The following C1QTNF8 variants were observed in gnomAD, a reference collection of about 807,000 sequenced individuals.
C1QTNF8 encodes the protein C1q and TNF related 8, also known as complement C1q tumor necrosis factor-related protein 8.
A neutral mutation model predicts 19.2 loss-of-function variants in C1QTNF8; 27 were observed. That is an observed-to-expected ratio of 1.41 (90% confidence interval 1.04 to 1.94). The LOEUF is 1.94. C1QTNF8 is among the 30% of genes most tolerant of loss of function. The pLI is 0.00. For synonymous variants in C1QTNF8, 208 were observed against 172.8 expected, an observed-to-expected ratio of 1.20 and a Z score of -1.60; for missense variants, 484 against 374.4, an observed-to-expected ratio of 1.29 and a Z score of -2.42.
At chr16:1,093,445 C>A in intron 4 of C1QTNF8, 52 bp downstream of exon 4, 1 of 1,022,678 alleles carries the variant, frequency 9.8e-7, no homozygotes, top group Non-Finnish European at 1.3e-6. Flanking sequence ...CACACACAGA[C>A]ACACACACAC....
chr16:1,093,424 C>A (rs1044689353), intron 4 of C1QTNF8, 73 bp downstream of exon 4: 6 of 1,042,334 alleles, frequency 5.8e-6, no homozygotes, highest in Non-Finnish European at 7.8e-6. Context: ...CCACACCCAC[C>A]CCCACACACA....
Position 1,093,479 on chromosome 16 carries a change from A to T in C1QTNF8, c.*4+18T>A, listed in dbSNP as rs749768184. ...ACACGCGCGCGCGCGCCCGGTGCTC[A>T]GCCGCGGGGCCCCTCACCCGGCTAC... On this transcript the variant is annotated intron_variant, in intron 4 of 4. Coordinates refer to ENST00000328449, the MANE Select transcript of C1QTNF8 (RefSeq NM_207419.3). 4.0e-5 allele frequency: 59 copies of T among 1,466,852 alleles called. No individual in the cohort carries two copies. The Admixed American group carries it at 8.6e-4, about 21-fold the overall frequency. 90.9% of individuals were successfully genotyped at this position (1,466,852 alleles called of 1,614,324 possible). A position where few individuals can be genotyped will look rare whatever the true frequency, so the allele number is the denominator to read the frequency against.
rs143732615 is a variant in C1QTNF8 at position 1,092,059 on chromosome 16, C to T, written c.*4+1438G>A. ...GAGGGCGAGTACCTGGGTGAGCAAC[C>T]GGGCTCCGACCACCCCATGAGGAGG... On this transcript the variant is annotated intron_variant, in intron 4 of 4. Coordinates refer to ENST00000328449, the MANE Select transcript of C1QTNF8 (RefSeq NM_207419.3). Among the ~76,000 whole-genome samples the T allele has an allele frequency of 4.5e-3, 680 of 152,338 alleles. 9 individuals are homozygous for T. The highest frequency in any genetic ancestry group is 0.015 in the African/African-American group (644 of 41,568).
rs952050698 is a variant in C1QTNF8 at position 1,089,934 on chromosome 16, C to T, written c.*665G>A. 2 of 152,356 alleles carry T rather than the reference C, an allele frequency of 1.3e-5. No individual in the cohort carries two copies. The highest frequency in any genetic ancestry group is 2.1e-4 in the South Asian group (1 of 4,828). The allele number at this position is 152,356 out of a possible 1,614,324, so 9.4% of individuals were successfully genotyped here. On this transcript the variant is annotated 3_prime_UTR_variant, in exon 5 of 5. Transcript: ENST00000328449. ...CGGTTGCCGGGCGCCCTGGGTGTGT[C>T]CCGCTATCCCAGCCAGGAGCAGACT...
rs537719292 is a variant in C1QTNF8 at position 1,094,231 on chromosome 16, A to G, written c.209-180T>C. Among the ~76,000 whole-genome samples the G allele has an allele frequency of 6.6e-5, 10 of 152,104 alleles. No individual in the cohort carries two copies. In the East Asian group the frequency reaches 1.9e-3, roughly 30 times the overall value. On this transcript the variant is annotated intron_variant, in intron 3 of 4. Transcript: ENST00000328449. ...TAAGATGGGGAGAAGCCGTTCTCCA[A>G]AGGTGTGGCTAGACCAAGGCCTGTG...
At chr16:1,091,105 G>A (rs950650678) in intron 4 of C1QTNF8, among the ~76,000 whole-genome samples, 2 of 152,280 alleles carry the variant, frequency 1.3e-5, no homozygotes, top group Admixed American at 6.5e-5. Context: ...GGGGATGGGC[G>A]AGCCGGGCAC....
rs765790729 is a variant in C1QTNF8, at chr16:1,094,813, C to G, written c.110G>C (p.Gly37Ala). The G allele has an allele frequency of 1.1e-5, 16 of 1,496,740 alleles. No individual in the cohort carries two copies. Among genetic ancestry groups the G allele is most frequent in the South Asian group, 1.4e-5 (1 of 73,552 alleles). The allele number at this position is 1,496,740 out of a possible 1,614,324, so 92.7% of individuals were successfully genotyped here. A position where few individuals can be genotyped will look rare whatever the true frequency, so the allele number is the denominator to read the frequency against. Reference sequence around the variant, plus strand: ...CCTGTCACTCACCCGGGCATAGGGTCCAGGGGGCCAGGCCGGGCGGCAGCA... The same window carrying G: ...CCTGTCACTCACCCGGGCATAGGGTGCAGGGGGCCAGGCCGGGCGGCAGCA... ...VHCCRPAWPPGPYARVSDRDL... is the reference protein window; with the variant it reads ...VHCCRPAWPPAPYARVSDRDL... The change falls in exon 3 of 5, where the codon GGA becomes GCA. Residue 37 changes from glycine to alanine, a missense_variant. Physicochemically the swap from Gly to Ala is moderately conservative, Grantham distance 60. Coordinates refer to ENST00000328449, the MANE Select transcript of C1QTNF8 (RefSeq NM_207419.3).
At chr16:1,094,999 C>A (rs559291967) in intron 2 of C1QTNF8, 66 bp from the exon 3 acceptor site, 18 of 665,700 alleles carry the variant, frequency 2.7e-5, no homozygotes, top group Non-Finnish European at 3.1e-5. Flanking sequence ...CCAGACCCTA[C>A]GGCAGCCCGG....
At position 1,088,439 on chromosome 16, in the gene C1QTNF8, C is replaced by T. The variant is rs573299173; in HGVS notation, c.*2160G>A. On this transcript the variant is annotated 3_prime_UTR_variant, in exon 5 of 5. Transcript: ENST00000328449. ...CCGGTGCGGTTCTGATGGGGTGGCT[C>T]CCCCTTGTCTCCTAAGTGGCCAGGG... is the stretch of plus-strand genomic sequence containing the variant. Among the ~76,000 whole-genome samples the T allele has an allele frequency of 6.6e-6, 1 of 152,302 alleles. No homozygotes were observed. Among genetic ancestry groups the T allele is most frequent in the East Asian group, 1.9e-4 (1 of 5,174 alleles).
Position 1,093,456 on chromosome 16 carries a change from A to ACACACACGCGCGCG in C1QTNF8, c.*4+40_*4+41insCGCGCGCGTGTGTG, listed in dbSNP as rs1555492668. The ACACACACGCGCGCG allele has an allele frequency of 1.6e-5, 18 of 1,159,852 alleles. No individual in the cohort carries two copies. The African/African-American group carries it at 3.5e-4, about 23-fold the overall frequency. The allele number at this position is 1,159,852 out of a possible 1,614,324, so 71.8% of individuals were successfully genotyped here. ...CACACACACACAGACACACACACAC[A>ACACACACGCGCGCG]CGCGCGCGCGCGCCCGGTGCTCAGC... On this transcript the variant is annotated intron_variant, in intron 4 of 4. Transcript: ENST00000328449.
rs1051713983 is a variant in C1QTNF8, at chr16:1,088,400, G to A, written c.*2199C>T. Reference sequence around the variant, plus strand: ...CTCATGATTAAAGCCAGCACGGGCCGACCACGGGGGTGCCCGGTGCGGTTC... The same window carrying A: ...CTCATGATTAAAGCCAGCACGGGCCAACCACGGGGGTGCCCGGTGCGGTTC... On this transcript the variant is annotated 3_prime_UTR_variant, in exon 5 of 5. Coordinates refer to ENST00000328449, the MANE Select transcript of C1QTNF8 (RefSeq NM_207419.3). Among the ~76,000 whole-genome samples, 1 of 152,150 alleles carries A rather than the reference G, an allele frequency of 6.6e-6. No individual in the cohort carries two copies. Among genetic ancestry groups the A allele is most frequent in the Non-Finnish European group, 1.5e-5 (1 of 68,008 alleles).
At chr16:1,091,137 G>C (rs1247010005) in intron 4 of C1QTNF8, among the ~76,000 whole-genome samples, 2 of 152,194 alleles carry the variant, frequency 1.3e-5, no homozygotes, top group African/African-American at 4.8e-5. Context: ...GGATGTCCCA[G>C]AGTGGACAAG....
rs558754523 is a variant in C1QTNF8, at chr16:1,093,516, C to T, written c.744G>A (p.Pro248=). The stretch of plus-strand genomic sequence containing the variant: ...CCTCACCCGGCTACAGCTCGGCGGC[C>T]GGCTTGACCAGGTGGCCGCTGAAGG... ...YITFSGHLVK[P]AAEL Residue 248 remains proline, a synonymous_variant, in exon 4 of 5, where the codon CCG becomes CCA. Transcript: ENST00000328449. The T allele has an allele frequency of 1.3e-6, 2 of 1,536,746 alleles. No homozygotes were observed. Among genetic ancestry groups the T allele is most frequent in the Non-Finnish European group, 1.8e-6 (2 of 1,139,356 alleles).
chr16:1,094,905 C>T lies in C1QTNF8; in HGVS notation c.18G>A (p.Leu6=), dbSNP rs1301993278. 1.5e-6 allele frequency: 2 copies of T among 1,336,510 alleles called. No homozygotes were observed. The highest frequency in any genetic ancestry group is 7.4e-5 in the Admixed American group (2 of 27,154). 82.8% of individuals were successfully genotyped at this position (1,336,510 alleles called of 1,614,324 possible). MAAPA[L]LLLALLLPVG... is the part of the protein sequence containing the mutation. ...CGGGCAGCAGCAGTGCTAGGAGCAGCAGGGCGGGGGCTGCCATCTTGGCCA... is the reference window on the plus strand; with the variant it reads ...CGGGCAGCAGCAGTGCTAGGAGCAGTAGGGCGGGGGCTGCCATCTTGGCCA... Residue 6 remains leucine (L), a synonymous_variant, in exon 3 of 5, where the codon CTG becomes CTA. Coordinates refer to ENST00000328449, the MANE Select transcript of C1QTNF8 (RefSeq NM_207419.3).
chr16:1,094,027 C>A lies in C1QTNF8; in HGVS notation c.233G>T (p.Arg78Leu). 2.0e-6 allele frequency: 3 copies of A among 1,473,978 alleles called. No homozygotes were observed. The highest frequency in any genetic ancestry group is 2.8e-5 in the South Asian group (2 of 70,946). 91.3% of individuals were successfully genotyped at this position (1,473,978 alleles called of 1,614,324 possible). Reference protein sequence around the residue: ...LKGEKGEAGVRGRAGRSGKEG... With the variant: ...LKGEKGEAGVLGRAGRSGKEG... ...TTTCCCGCTCCTGCCGGCCCGACCTCGGACGCCGGCCTCACCCTTCTCACC... is the reference window on the plus strand; with the variant it reads ...TTTCCCGCTCCTGCCGGCCCGACCTAGGACGCCGGCCTCACCCTTCTCACC... The change falls in exon 4 of 5, where the codon CGA (arginine) becomes CTA (leucine). Residue 78 changes from arginine to leucine, a missense_variant. Transcript: ENST00000328449.
chr16:1,094,750 CGAG>C lies in C1QTNF8; in HGVS notation c.170_172del (p.Pro57del). On this transcript the variant is annotated inframe_deletion, in exon 3 of 5. Transcript: ENST00000328449. The stretch of plus-strand genomic sequence containing the variant: ...TTCGATGTCTATAGTGGGCCGTACT[CGAG>C]GCAGCCCCCTCCACAGGTCCCCCCT... 1.3e-6 allele frequency: 2 copies of C among 1,561,624 alleles called. No homozygotes were observed. Among genetic ancestry groups the C allele is most frequent in the Non-Finnish European group, 1.7e-6 (2 of 1,156,338 alleles).
At position 1,093,941 on chromosome 16, in the gene C1QTNF8, G is replaced by GC. The variant is rs752623704; in HGVS notation, c.318dup (p.Pro107AlafsTer268). On this transcript the variant is annotated frameshift_variant, in exon 4 of 5. Coordinates refer to ENST00000328449, the MANE Select transcript of C1QTNF8 (RefSeq NM_207419.3). LOFTEE classifies it high-confidence loss of function. ...GCACGTCGGCACGCGGCGCCCGGCG[G>GC]CCCCACCTGCCCCTTCTGGCCTCTG... is the stretch of plus-strand genomic sequence containing the variant. 6 of 1,495,436 alleles carry GC rather than the reference G, an allele frequency of 4.0e-6. No homozygotes were observed. In the African/African-American group the frequency reaches 5.8e-5, roughly 14 times the overall value. 92.6% of individuals were successfully genotyped at this position (1,495,436 alleles called of 1,614,324 possible).
intron 3 of C1QTNF8, 131 bp downstream of exon 3, chr16:1,094,584 C>T (rs925673425): frequency 2.6e-5 from 17 of 660,642 alleles, no homozygotes; most frequent in Non-Finnish European, 4.1e-5. Flanking sequence ...GTGCAGGGAG[C>T]GCTGCCAGGG....
At chr16:1,091,698 C>T (rs1249174889) in intron 4 of C1QTNF8, among the ~76,000 whole-genome samples, 9 of 152,160 alleles carry the variant, frequency 5.9e-5, no homozygotes, top group Non-Finnish European at 8.8e-5. Flanking sequence ...AGGCTTCCTC[C>T]GGCTCTGGTG....
Sources: allele counts gnomAD v4.1 joint callset (sites outside exome capture counted in the v4.1 genomes callset), GRCh38; gene constraint gnomAD v4.1.1; transcripts MANE v1.5; gene names NCBI Gene and HGNC (gene_info 2026-07-23, HGNC 2026-07-21).